TNFRSF19: variants seen among roughly 807,000 people sequenced by gnomAD.
TNFRSF19 encodes the protein TNF receptor superfamily member 19, also known as tumor necrosis factor receptor superfamily member 19.
TNFRSF19 carries 27 observed loss-of-function variants against 46.4 expected under a neutral mutation model. The observed-to-expected ratio is 0.58, with a 90% confidence interval of 0.43 to 0.80. TNFRSF19 has a LOEUF of 0.80. Ranked by LOEUF, TNFRSF19 falls within the 30% of genes least tolerant of loss-of-function variation. The pLI, the probability that TNFRSF19 is intolerant of heterozygous loss-of-function variation, is 0.00. For synonymous variants in TNFRSF19, 204 were observed against 205.0 expected, an observed-to-expected ratio of 1.00 and a Z score of 0.04; for missense variants, 511 against 530.8, an observed-to-expected ratio of 0.96 and a Z score of 0.37.
intron 3 of TNFRSF19, among the ~76,000 whole-genome samples, chr13:23,611,009 C>T (rs1230261810): frequency 2.0e-5 from 3 of 151,948 alleles, no homozygotes; most frequent in Non-Finnish European, 4.4e-5. Flanking sequence ...ATATTAATGG[C>T]GGACCATGCT....
At chr13:23,653,633 GGAGGGGCAGGGAGTGTGTT>G (rs1469401829) in intron 5 of TNFRSF19, among the ~76,000 whole-genome samples, 1 of 152,160 alleles carries the variant, frequency 6.6e-6, no homozygotes, top group African/African-American at 2.4e-5. Context: ...AAGATCTGTG[GGAGGGGCAGGGAGTGTGTT>G]GAGGGATTTG....
At chr13:23,660,557 G>C in intron 7 of TNFRSF19, 67 bp downstream of exon 7, 1 of 1,563,698 alleles carries the variant, frequency 6.4e-7, no homozygotes, top group Non-Finnish European at 8.7e-7. Context: ...AGCAAGAATT[G>C]GTCCTGGTTT....
chr13:23,657,176 A>G (rs950429134), intron 5 of TNFRSF19, among the ~76,000 whole-genome samples: 8 of 152,242 alleles, frequency 5.3e-5, no homozygotes, highest in African/African-American at 1.9e-4. Context: ...GATGGCAATA[A>G]GAGACTTTTA....
chr13:23,592,908 G>T (rs1393571363), intron 2 of TNFRSF19, among the ~76,000 whole-genome samples: 1 of 151,962 alleles, frequency 6.6e-6, no homozygotes, highest in African/African-American at 2.4e-5. Flanking sequence ...ATATTTCTTA[G>T]ATTGAAAAAT....
At chr13:23,661,693 TG>T in intron 7 of TNFRSF19, among the ~76,000 whole-genome samples, 1 of 152,312 alleles carries the variant, frequency 6.6e-6, no homozygotes, top group East Asian at 1.9e-4. Context: ...TCTGCAACCT[TG>T]CCAGCATATG....
At chr13:23,571,480 T>C (rs1877627180) in intron 1 of TNFRSF19, among the ~76,000 whole-genome samples, 2 of 152,204 alleles carry the variant, frequency 1.3e-5, no homozygotes, top group Middle Eastern at 3.2e-3. Context: ...TGGCTAAAAA[T>C]ACTCCAGTGA....
chr13:23,584,750 C>A (rs1436670109), intron 1 of TNFRSF19, among the ~76,000 whole-genome samples: 4 of 151,618 alleles, frequency 2.6e-5, no homozygotes, highest in African/African-American at 9.7e-5. Flanking sequence ...GTAGAAAATA[C>A]CTTGTAATTT....
chr13:23,638,940 G>A (rs551305818), intron 5 of TNFRSF19, among the ~76,000 whole-genome samples: 3 of 152,182 alleles, frequency 2.0e-5, no homozygotes, highest in Admixed American at 6.5e-5. Flanking sequence ...ATCATAGAGT[G>A]GAAAACTCTT....
At chr13:23,662,122 C>T (rs946589371) in intron 7 of TNFRSF19, among the ~76,000 whole-genome samples, 2 of 152,112 alleles carry the variant, frequency 1.3e-5, no homozygotes, top group Non-Finnish European at 2.9e-5. Context: ...TTCCTATGTC[C>T]AGGATGGTAT....
At chr13:23,663,573 T>G (rs958972129) in intron 7 of TNFRSF19, among the ~76,000 whole-genome samples, 2 of 152,184 alleles carry the variant, frequency 1.3e-5, no homozygotes. Context: ...TGGAATAGTT[T>G]CAGTGGGAAT....
At chr13:23,607,609 CA>C (rs1170696085) in intron 3 of TNFRSF19, among the ~76,000 whole-genome samples, 1 of 151,974 alleles carries the variant, frequency 6.6e-6, no homozygotes, top group Non-Finnish European at 1.5e-5. Flanking sequence ...AAAGCTAGAC[CA>C]AACTATTGAT....
intron 5 of TNFRSF19, among the ~76,000 whole-genome samples, chr13:23,636,731 G>T (rs1158805832): frequency 6.6e-6 from 1 of 152,162 alleles, no homozygotes; most frequent in Non-Finnish European, 1.5e-5. Flanking sequence ...ATCACGTAGG[G>T]CTCCTGGGCC....
chr13:23,646,083 C>A (rs1883312138), intron 5 of TNFRSF19, among the ~76,000 whole-genome samples: 1 of 152,194 alleles, frequency 6.6e-6, no homozygotes, highest in Non-Finnish European at 1.5e-5. Flanking sequence ...TGACAAGCCT[C>A]CATGACTGTA....
rs1256759961 is a variant in TNFRSF19 at position 23,675,761 on chromosome 13, G to A, written c.*2381G>A. 6.6e-6 allele frequency: 1 copy of A among 152,204 alleles called. No homozygotes were observed. Among genetic ancestry groups the A allele is most frequent in the Non-Finnish European group, 1.5e-5 (1 of 68,038 alleles). The allele number at this position is 152,204 out of a possible 1,614,324, so 9.4% of individuals were successfully genotyped here. On this transcript the variant is annotated 3_prime_UTR_variant, in exon 10 of 10. Coordinates refer to ENST00000248484, the MANE Select transcript of TNFRSF19 (RefSeq NM_148957.4). ...CATAACCACTGTGGCTTCTTGTGCT[G>A]CAGAAGCTCGTTGACAAGACTGAGG...
chr13:23,591,725 TTTC>T (rs1368154995), intron 2 of TNFRSF19, among the ~76,000 whole-genome samples: 3 of 130,506 alleles, frequency 2.3e-5, no homozygotes, highest in Admixed American at 7.5e-5. Flanking sequence ...TCTTTCTTTC[TTTC>T]TTTTTTTTTT....
At chr13:23,599,900 G>T (rs945263995) in intron 3 of TNFRSF19, among the ~76,000 whole-genome samples, 2 of 148,996 alleles carry the variant, frequency 1.3e-5, no homozygotes, top group African/African-American at 2.5e-5. Context: ...AAGAGGGGGG[G>T]TCCATTCAGA....
At chr13:23,589,797 G>A (rs531119615) in intron 1 of TNFRSF19, among the ~76,000 whole-genome samples, 3 of 152,314 alleles carry the variant, frequency 2.0e-5, no homozygotes, top group Admixed American at 2.0e-4. Context: ...CCAGATAAAT[G>A]GGAGGTTTAT....
chr13:23,659,069 C>G lies in TNFRSF19; in HGVS notation c.465C>G (p.Leu155=). 1 of 1,613,846 alleles carries G rather than the reference C, an allele frequency of 6.2e-7. No individual in the cohort carries two copies. Among genetic ancestry groups the G allele is most frequent in the Non-Finnish European group, 8.5e-7 (1 of 1,180,020 alleles). ...TTTCAGGTGCCAGCAAGGTCAACCTCGTGAAGATCGCGTCCACGGCCTCCA... is the reference window on the plus strand; with the variant it reads ...TTTCAGGTGCCAGCAAGGTCAACCTGGTGAAGATCGCGTCCACGGCCTCCA... ...YEPHCASKVN[L]VKIASTASSP... Residue 155 remains leucine (L), a synonymous_variant, in exon 6 of 10, where the codon CTC becomes CTG. Coordinates refer to ENST00000248484, the MANE Select transcript of TNFRSF19 (RefSeq NM_148957.4). The surrounding 1 kb of genome is among the most constrained non-coding windows in gnomAD (Gnocchi z 4.9).
intron 5 of TNFRSF19, among the ~76,000 whole-genome samples, chr13:23,651,533 C>G (rs1449605125): frequency 2.0e-5 from 3 of 152,142 alleles, no homozygotes; most frequent in Non-Finnish European, 2.9e-5. Context: ...GGTGGAAGCC[C>G]AGACAGAAAG....
Sources: gnomAD v4.1 joint callset for allele counts (sites outside exome capture counted in the v4.1 genomes callset) on GRCh38, gnomAD v4.1.1 for gene constraint, Gnocchi (gnomAD v3.1) non-coding constraint, MANE v1.5 for transcripts, NCBI Gene and HGNC (gene_info 2026-07-23, HGNC 2026-07-21) for gene names.